CLEC9A: variants seen among roughly 807,000 people sequenced by gnomAD.
CLEC9A encodes C-type lectin domain containing 9A.
In CLEC9A, 24 loss-of-function variants were observed where a neutral mutation model predicts 30.0. The ratio of observed to expected loss-of-function variants is 0.80; its 90% CI spans 0.58 to 1.13. The LOEUF is 1.13. Among genes scored for constraint, CLEC9A ranks in the 50% most tolerant of loss-of-function variants. The pLI, the probability that CLEC9A is intolerant of heterozygous loss-of-function variation, is 0.00. For synonymous variants in CLEC9A, 111 were observed against 96.8 expected, an observed-to-expected ratio of 1.15 and a Z score of -0.86; for missense variants, 251 against 280.9, an observed-to-expected ratio of 0.89 and a Z score of 0.76.
chr12:10,037,053 G>A (rs4474534), intron 1 of CLEC9A, among the ~76,000 whole-genome samples: 1 of 152,060 alleles, frequency 6.6e-6, no homozygotes, highest in South Asian at 2.1e-4. Context: ...TAAAGACTCA[G>A]AACACTTCTA....
At chr12:10,059,148 G>A (rs1865972539) in intron 5 of CLEC9A, among the ~76,000 whole-genome samples, 1 of 152,060 alleles carries the variant, frequency 6.6e-6, no homozygotes, top group African/African-American at 2.4e-5. Flanking sequence ...ATATAACTGA[G>A]TAGAATCAAT....
chr12:10,041,765 A>ATT, intron 2 of CLEC9A, 145 bp downstream of exon 2: 1 of 436,248 alleles, frequency 2.3e-6, no homozygotes, highest in Non-Finnish European at 4.5e-6. Flanking sequence ...AGTAAGAATT[A>ATT]CAGAACCCAA....
At chr12:10,050,309 A>G (rs1181652523) in intron 2 of CLEC9A, among the ~76,000 whole-genome samples, 2 of 152,238 alleles carry the variant, frequency 1.3e-5, no homozygotes, top group African/African-American at 2.4e-5. Flanking sequence ...CAGAGGCATA[A>G]AGTAACCATA....
rs551540911 is a variant in CLEC9A, at chr12:10,045,414, A to G, written c.-163+3794A>G. The G allele has an allele frequency of 4.4e-5, 7 of 158,648 alleles. No individual in the cohort carries two copies. The South Asian group carries it at 1.3e-3, about 29-fold the overall frequency. The allele number at this position is 158,648 out of a possible 1,614,324, so 9.8% of individuals were successfully genotyped here. The stretch of plus-strand genomic sequence containing the variant: ...TCTCCATTTTGTGCATCAAAATACT[A>G]TACACAGAGTTTGATTGTTGATTGT... On this transcript the variant is annotated intron_variant, in intron 2 of 8. Transcript: ENST00000355819.
chr12:10,035,844 A>G (rs987291383), intron 1 of CLEC9A, among the ~76,000 whole-genome samples: 1 of 152,152 alleles, frequency 6.6e-6, no homozygotes, highest in African/African-American at 2.4e-5. Context: ...GGCTCAAGCA[A>G]TCCTCCCACC....
At chr12:10,034,923 G>T (rs1443959792) in intron 1 of CLEC9A, among the ~76,000 whole-genome samples, 1 of 152,188 alleles carries the variant, frequency 6.6e-6, no homozygotes, top group Admixed American at 6.5e-5. Context: ...TGCATCCCAG[G>T]GTTCTTACCT....
intron 5 of CLEC9A, among the ~76,000 whole-genome samples, chr12:10,056,058 CAAAAAAAAAAAAAAAA>C (rs58274495): frequency 6.3e-5 from 3 of 47,536 alleles, no homozygotes; most frequent in East Asian, 6.8e-4. Flanking sequence ...GACTCTGTCT[CAAAAAAAAAAAAAAAA>C]AAAAAAAAAA....
intron 2 of CLEC9A, among the ~76,000 whole-genome samples, chr12:10,046,294 C>T (rs1031480670): frequency 1.3e-5 from 2 of 152,148 alleles, no homozygotes; most frequent in Non-Finnish European, 2.9e-5. Context: ...AACCCCAGAT[C>T]CTGGCTTACA....
intron 2 of CLEC9A, among the ~76,000 whole-genome samples, chr12:10,048,682 T>C (rs1458517001): frequency 2.0e-5 from 3 of 152,228 alleles, no homozygotes; most frequent in African/African-American, 7.2e-5. Context: ...CCTGGTGAGA[T>C]TGCATCAACT....
intron 1 of CLEC9A, among the ~76,000 whole-genome samples, chr12:10,037,351 A>G (rs1463161329): frequency 6.6e-6 from 1 of 152,178 alleles, no homozygotes; most frequent in Non-Finnish European, 1.5e-5. Flanking sequence ...CTATTTTACA[A>G]ATTCTTATTT....
At position 10,065,778 on chromosome 12, in the gene CLEC9A, G is replaced by A; in HGVS notation, c.*146G>A. 1.4e-6 allele frequency: 1 copy of A among 732,656 alleles called. No homozygotes were observed. The highest frequency in any genetic ancestry group is 3.1e-5 in the Admixed American group (1 of 32,426). The allele number at this position is 732,656 out of a possible 1,614,324, so 45.4% of individuals were successfully genotyped here. On this transcript the variant is annotated 3_prime_UTR_variant, in exon 9 of 9. Transcript: ENST00000355819. ...CAACCTGGGACTCAATAATACACTTGGGAATATTCTTCCACACCGTCCAGA... is the reference window on the plus strand; with the variant it reads ...CAACCTGGGACTCAATAATACACTTAGGAATATTCTTCCACACCGTCCAGA...
At chr12:10,060,391 T>G (rs972433994) in intron 5 of CLEC9A, among the ~76,000 whole-genome samples, 6 of 152,206 alleles carry the variant, frequency 3.9e-5, no homozygotes, top group Non-Finnish European at 8.8e-5. Context: ...GGTGAACTAT[T>G]TATTTAAACA....
At chr12:10,065,146 A>G (rs996639816) in intron 8 of CLEC9A, among the ~76,000 whole-genome samples, 2 of 152,190 alleles carry the variant, frequency 1.3e-5, no homozygotes, top group Non-Finnish European at 2.9e-5. Flanking sequence ...TGTTTAGAGA[A>G]TAACTATTTA....
chr12:10,054,207 C>A, intron 4 of CLEC9A, 64 bp from the exon 5 acceptor site: 1 of 1,278,000 alleles, frequency 7.8e-7, no homozygotes, highest in East Asian at 2.3e-5. Context: ...CTCAATCTAT[C>A]CTTGCCCCGT....
intron 8 of CLEC9A, 104 bp downstream of exon 8, chr12:10,064,957 T>C: frequency 7.3e-7 from 1 of 1,375,602 alleles, no homozygotes; most frequent in African/African-American, 1.5e-5. Flanking sequence ...ACAAGCAGCA[T>C]GATAATGTTA....
At chr12:10,040,990 C>A in intron 1 of CLEC9A, 1 of 160,940 alleles carries the variant, frequency 6.2e-6, no homozygotes, top group Non-Finnish European at 1.4e-5. Context: ...CGCCTGTAAT[C>A]CCAGCATTTT....
chr12:10,032,094 T>C (rs549750385), intron 1 of CLEC9A, among the ~76,000 whole-genome samples: 80 of 152,248 alleles, frequency 5.3e-4, no homozygotes, highest in African/African-American at 1.8e-3. Flanking sequence ...TCCAAAATAC[T>C]CACAACATCC....
At chr12:10,042,044 C>A (rs1479071437) in intron 2 of CLEC9A, among the ~76,000 whole-genome samples, 1 of 152,194 alleles carries the variant, frequency 6.6e-6, no homozygotes, top group African/African-American at 2.4e-5. Flanking sequence ...CCTAAAATCT[C>A]AGCTCTATTA....
intron 5 of CLEC9A, among the ~76,000 whole-genome samples, chr12:10,056,058 CAAAAAAAAA>C (rs58274495): frequency 1.1e-3 from 52 of 47,534 alleles, no homozygotes; most frequent in Admixed American, 3.4e-4. Flanking sequence ...GACTCTGTCT[CAAAAAAAAA>C]AAAAAAAAAA....
Sources: gnomAD v4.1 joint callset for allele counts (sites outside exome capture counted in the v4.1 genomes callset) on GRCh38, gnomAD v4.1.1 for gene constraint, MANE v1.5 for transcripts, NCBI Gene and HGNC (gene_info 2026-07-23, HGNC 2026-07-21) for gene names.